The following AGAP3 variants were observed in gnomAD, a reference collection of about 807,000 sequenced individuals.
AGAP3 encodes ArfGAP with GTPase domain, ankyrin repeat and PH domain 3, also known as arf-GAP with GTPase, ANK repeat and PH domain-containing protein 3.
Under a neutral mutation model 96.9 loss-of-function variants are expected in AGAP3, and 24 were observed. The ratio of observed to expected loss-of-function variants is 0.25; its 90% CI spans 0.18 to 0.35. The LOEUF (loss-of-function observed/expected upper bound fraction) is 0.35, where lower values mean the gene tolerates loss of function less well. Among genes scored for constraint, AGAP3 ranks in the 10% least tolerant of loss-of-function variants. The probability of loss-of-function intolerance (pLI) is 1.00; values close to 1 mark genes in which losing one functional copy is unlikely to be tolerated. For synonymous variants in AGAP3, 563 were observed against 536.1 expected (o/e 1.05, Z -0.69); for missense variants, 876 against 1,254.2 (o/e 0.70, Z 4.55).
intron 1 of AGAP3, among the ~76,000 whole-genome samples, chr7:151,113,120 G>GATTCCCTGT (rs1799369855): frequency 1.3e-5 from 2 of 152,206 alleles, no homozygotes; most frequent in African/African-American, 4.8e-5. Flanking sequence ...CCTGTTGTGC[G>GATTCCCTGT]TGAGAGAGAG....
chr7:151,102,348 G>A (rs149992377), intron 1 of AGAP3, among the ~76,000 whole-genome samples: 14 of 152,254 alleles, frequency 9.2e-5, no homozygotes, highest in African/African-American at 2.4e-4. Context: ...ACTCAAACGC[G>A]CCACCCCACA....
In AGAP3 at chr7:151,114,989, C is replaced by T; in HGVS notation, c.332-1804C>T. On this transcript the variant is annotated intron_variant, in intron 1 of 17. Coordinates refer to ENST00000397238, the MANE Select transcript of AGAP3 (RefSeq NM_031946.7). This position sits in a 1 kb window ranked among gnomAD's most constrained non-coding sequence, Gnocchi z 4.4. ...CGGAGCCGCCGCCCACCGGCGCCCG[C>T]GGCCTTTTGCTCGGCCTCCTGCGCC... The T allele has an allele frequency of 3.0e-6, 3 of 984,218 alleles. No individual in the cohort carries two copies. Among genetic ancestry groups the T allele is most frequent in the Non-Finnish European group, 2.4e-6 (2 of 831,230 alleles). 61.0% of individuals were successfully genotyped at this position (984,218 alleles called of 1,614,324 possible).
In AGAP3 at chr7:151,120,206, C is replaced by A. The variant is rs1244398701; in HGVS notation, c.1128+61C>A. On this transcript the variant is annotated intron_variant, in intron 8 of 17. Coordinates refer to ENST00000397238, the MANE Select transcript of AGAP3 (RefSeq NM_031946.7). Reference sequence around the variant, plus strand: ...TTGCTGCACAGGCAGGGCTGAGCGCCGAGCTCCCAGCCAGGAGGGGCGTGG... The same window carrying A: ...TTGCTGCACAGGCAGGGCTGAGCGCAGAGCTCCCAGCCAGGAGGGGCGTGG... The A allele has an allele frequency of 2.6e-6, 4 of 1,520,010 alleles. No homozygotes were observed. In the Admixed American group the frequency reaches 8.0e-5, roughly 30 times the overall value. The allele number at this position is 1,520,010 out of a possible 1,614,324, so 94.2% of individuals were successfully genotyped here.
chr7:151,100,364 CCTGCACTTCT>C (rs1563434160), intron 1 of AGAP3, among the ~76,000 whole-genome samples: 1 of 152,164 alleles, frequency 6.6e-6, no homozygotes, highest in Non-Finnish European at 1.5e-5. Context: ...TGCTCTGTGC[CCTGCACTTCT>C]CTGTGTGGGT....
At chr7:151,111,353 G>C (rs959992245) in intron 1 of AGAP3, among the ~76,000 whole-genome samples, 1 of 152,196 alleles carries the variant, frequency 6.6e-6, no homozygotes, top group Admixed American at 6.5e-5. Context: ...CCGGCTTTCA[G>C]GAGAAGGCTT....
chr7:151,121,119 A>G (rs72617356), intron 8 of AGAP3: 20,834 of 157,716 alleles, frequency 0.13, 3,075 homozygotes, highest in African/African-American at 0.36. Flanking sequence ...CAGAGCTGGC[A>G]CTTCCAAGCC....
chr7:151,120,498 C>T (rs769499261), intron 8 of AGAP3: 1 of 700,346 alleles, frequency 1.4e-6, no homozygotes, highest in Non-Finnish European at 2.4e-6. Context: ...CCTAACTCCC[C>T]TGACCCCCTT....
intron 1 of AGAP3, chr7:151,116,477 C>A: frequency 2.3e-6 from 1 of 438,202 alleles, no homozygotes; most frequent in East Asian, 4.1e-5. Flanking sequence ...GGGCACTAGG[C>A]CAGGTGTGGC....
chr7:151,109,949 G>A (rs1208095938), intron 1 of AGAP3, among the ~76,000 whole-genome samples: 1 of 152,248 alleles, frequency 6.6e-6, no homozygotes, highest in African/African-American at 2.4e-5. Context: ...GGCCTGCACA[G>A]CACCTTTAGC....
intron 10 of AGAP3, among the ~76,000 whole-genome samples, chr7:151,130,120 A>G (rs6943608): frequency 0.8 from 122,449 of 152,196 alleles, 50,179 homozygotes; most frequent in East Asian, 0.99. Context: ...TGAAATGTCC[A>G]TTTCCCCACC....
chr7:151,122,745 C>G, intron 8 of AGAP3: 3 of 1,613,884 alleles, frequency 1.9e-6, no homozygotes, highest in Non-Finnish European at 1.7e-6. Context: ...CTGTTTCCAA[C>G]TTTTCATCAA....
At chr7:151,115,549 CG>C in intron 1 of AGAP3, 1 of 1,105,830 alleles carries the variant, frequency 9.0e-7, no homozygotes, top group Non-Finnish European at 1.1e-6. Flanking sequence ...AGGCTGCTCA[CG>C]AGCCGCTTCC....
Position 151,114,870 on chromosome 7 carries a change from G to T in AGAP3, c.332-1923G>T, listed in dbSNP as rs1376930250. The T allele has an allele frequency of 3.0e-6, 3 of 1,014,158 alleles. No individual in the cohort carries two copies. The highest frequency in any genetic ancestry group is 3.5e-6 in the Non-Finnish European group (3 of 851,550). 62.8% of individuals were successfully genotyped at this position (1,014,158 alleles called of 1,614,324 possible). On this transcript the variant is annotated intron_variant, in intron 1 of 17. Coordinates refer to ENST00000397238, the MANE Select transcript of AGAP3 (RefSeq NM_031946.7). The surrounding 1 kb of genome is among the most constrained non-coding windows in gnomAD (Gnocchi z 4.4). ...CTGCGACTCGCTGGACCTGCACGGC[G>T]CCTCGGCCGGCCGCGCTGCCGCCGC...
chr7:151,093,580 G>A (rs564565653), intron 1 of AGAP3, among the ~76,000 whole-genome samples: 6 of 152,354 alleles, frequency 3.9e-5, no homozygotes, highest in South Asian at 2.1e-4. Flanking sequence ...TCTGTGGTGA[G>A]CAGTCGGATG....
At chr7:151,129,996 G>A (rs981615094) in intron 10 of AGAP3, among the ~76,000 whole-genome samples, 19 of 152,330 alleles carry the variant, frequency 1.2e-4, no homozygotes, top group African/African-American at 3.8e-4. Context: ...CTGCACCAGC[G>A]TCTTCTAAGT....
intron 1 of AGAP3, among the ~76,000 whole-genome samples, chr7:151,094,936 G>A (rs1329097399): frequency 6.6e-6 from 1 of 151,330 alleles, no homozygotes; most frequent in African/African-American, 2.4e-5. Context: ...GTGTAGTGAC[G>A]CGATCGTAGC....
chr7:151,110,011 G>A (rs1041618783), intron 1 of AGAP3, among the ~76,000 whole-genome samples: 2 of 152,234 alleles, frequency 1.3e-5, no homozygotes, highest in Non-Finnish European at 2.9e-5. Context: ...TAAGGAGACC[G>A]TGGCTGGTCA....
In AGAP3 at chr7:151,126,373, A is replaced by AGCGGG. The variant is rs1323687397; in HGVS notation, c.1222-2194_1222-2190dup. Reference sequence around the variant, plus strand: ...AGCAGAGCGGAGCAGAGCAGAGCGGAGCGGGGCGGGGCGGGGCCGGCCGTG... The same window carrying AGCGGG: ...AGCAGAGCGGAGCAGAGCAGAGCGGAGCGGGGCGGGGCGGGGCGGGGCCGGCCGTG... On this transcript the variant is annotated intron_variant, in intron 9 of 17. Coordinates refer to ENST00000397238, the MANE Select transcript of AGAP3 (RefSeq NM_031946.7). Among the ~76,000 whole-genome samples, 38 of 56,248 alleles carry AGCGGG rather than the reference A, an allele frequency of 6.8e-4. 2 individuals are homozygous for AGCGGG. The highest frequency in any genetic ancestry group is 4.2e-3 in the Admixed American group (22 of 5,254). The allele number at this position is 56,248 out of a possible 152,430, so 36.9% of individuals were successfully genotyped here. A position where few individuals can be genotyped will look rare whatever the true frequency, so the allele number is the denominator to read the frequency against.
chr7:151,088,579 T>C (rs1190525599), intron 1 of AGAP3, among the ~76,000 whole-genome samples: 2 of 152,226 alleles, frequency 1.3e-5, no homozygotes, highest in African/African-American at 4.8e-5. Context: ...ATTCCTGATT[T>C]GCTCCAAGCT....
Sources: allele counts gnomAD v4.1 joint callset (sites outside exome capture counted in the v4.1 genomes callset), GRCh38; gene constraint gnomAD v4.1.1; non-coding constraint Gnocchi (gnomAD v3.1); transcripts MANE v1.5; gene names NCBI Gene and HGNC (gene_info 2026-07-23, HGNC 2026-07-21).